EPHA5: variants seen among roughly 807,000 people sequenced by gnomAD.
The protein encoded by EPHA5 is ephrin type-A receptor 5.
In EPHA5, 60 loss-of-function variants were observed where a neutral mutation model predicts 105.0. That is an observed-to-expected ratio of 0.57 (90% CI 0.46 to 0.71). The LOEUF (loss-of-function observed/expected upper bound fraction) is 0.71. EPHA5 is among the 30% of genes least tolerant of loss of function. The pLI, the probability that EPHA5 is intolerant of heterozygous loss-of-function variation, is 0.00. For missense variants in EPHA5, 1,218 were observed against 1,274.7 expected (o/e 0.96, Z 0.68); for synonymous variants, 513 against 449.1 (o/e 1.14, Z -1.80).
At chr4:65,465,590 A>G (rs143777120) in intron 5 of EPHA5, among the ~76,000 whole-genome samples, 6 of 106,676 alleles carry the variant, frequency 5.6e-5, no homozygotes, top group Non-Finnish European at 8.4e-5. Flanking sequence ...AGGAAAGGAA[A>G]GAAAGGAAGG....
At chr4:65,517,179 T>C (rs1734189984) in intron 3 of EPHA5, among the ~76,000 whole-genome samples, 2 of 151,992 alleles carry the variant, frequency 1.3e-5, no homozygotes, top group Non-Finnish European at 2.9e-5. Context: ...CTAATGACTT[T>C]CTGAGGAGTT....
chr4:65,382,840 A>G (rs1179188202), intron 8 of EPHA5, among the ~76,000 whole-genome samples: 1 of 151,690 alleles, frequency 6.6e-6, no homozygotes, highest in Non-Finnish European at 1.5e-5. Flanking sequence ...ATAAACACGT[A>G]TTGTATTGAA....
At chr4:65,635,861 G>T (rs937381178) in intron 2 of EPHA5, among the ~76,000 whole-genome samples, 2 of 152,098 alleles carry the variant, frequency 1.3e-5, no homozygotes, top group Non-Finnish European at 2.9e-5. Context: ...GTACATATAG[G>T]CTAGTGAAGC....
Position 65,322,112 on chromosome 4 carries a change from C to T in EPHA5, c.*2002G>A, listed in dbSNP as rs1449915078. 3 of 224,100 alleles carry T rather than the reference C, an allele frequency of 1.3e-5. No homozygotes were observed. The Admixed American group carries it at 1.7e-4, about 13-fold the overall frequency. 13.9% of individuals were successfully genotyped at this position (224,100 alleles called of 1,614,324 possible). A position where few individuals can be genotyped will look rare whatever the true frequency, so the allele number is the denominator to read the frequency against. ...TCACATCTCTGGAAATTTTACTAAACTAATAGATTATATGTTTGCAGCACA... is the reference window on the plus strand; with the variant it reads ...TCACATCTCTGGAAATTTTACTAAATTAATAGATTATATGTTTGCAGCACA... On this transcript the variant is annotated 3_prime_UTR_variant, in exon 17 of 17. Transcript: ENST00000613740.
chr4:65,550,656 G>A (rs574957528), intron 3 of EPHA5, among the ~76,000 whole-genome samples: 1 of 152,166 alleles, frequency 6.6e-6, no homozygotes, highest in East Asian at 1.9e-4. Flanking sequence ...TAACACGGGT[G>A]AAACCCCGTC....
chr4:65,510,775 T>C (rs35682048), intron 3 of EPHA5, among the ~76,000 whole-genome samples: 7,143 of 152,262 alleles, frequency 0.047, 278 homozygotes, highest in African/African-American at 0.1. Context: ...TGAAAATAAC[T>C]GTTGAGGCAC....
At chr4:65,402,538 T>C (rs2148985360) in intron 8 of EPHA5, among the ~76,000 whole-genome samples, 1 of 152,310 alleles carries the variant, frequency 6.6e-6, no homozygotes, top group Middle Eastern at 3.4e-3. Flanking sequence ...TATTCCTTAA[T>C]AAATTTTCAA....
At chr4:65,335,623 A>G (rs1487691176) in intron 15 of EPHA5, among the ~76,000 whole-genome samples, 4 of 150,278 alleles carry the variant, frequency 2.7e-5, no homozygotes, top group African/African-American at 9.7e-5. Context: ...CTCCTCACCT[A>G]TCCTCCAAAA....
chr4:65,491,645 C>G (rs535906670), intron 4 of EPHA5, among the ~76,000 whole-genome samples: 2 of 151,954 alleles, frequency 1.3e-5, no homozygotes, highest in South Asian at 4.2e-4. Context: ...TTAATGGAAA[C>G]TGGGTGTAGC....
At chr4:65,569,105 T>C (rs894469268) in intron 3 of EPHA5, among the ~76,000 whole-genome samples, 1 of 151,492 alleles carries the variant, frequency 6.6e-6, no homozygotes, top group East Asian at 1.9e-4. Flanking sequence ...TTCAAGTATC[T>C]ATTTTGAAGA....
chr4:65,635,787 C>T lies in EPHA5; in HGVS notation c.246+7576G>A, dbSNP rs186471601. 3.6e-4 allele frequency among the ~76,000 whole-genome samples: 55 copies of T among 152,166 alleles called. No homozygotes were observed. In the East Asian group the frequency reaches 7.3e-3, roughly 20 times the overall value. On this transcript the variant is annotated intron_variant, in intron 2 of 16. Transcript: ENST00000613740. ...ATTAATCAATACAAAATGTTCCAGA[C>T]GCTGACTGAAACAACTCTAATGTAA... is the stretch of plus-strand genomic sequence containing the variant.
At chr4:65,432,318 A>T (rs906631487) in intron 5 of EPHA5, among the ~76,000 whole-genome samples, 2 of 152,156 alleles carry the variant, frequency 1.3e-5, no homozygotes, top group Non-Finnish European at 2.9e-5. Context: ...AATGTTTGCA[A>T]ATGTAGAAAC....
intron 3 of EPHA5, among the ~76,000 whole-genome samples, chr4:65,555,591 A>ACACATTTTTG (rs1560691197): frequency 1.3e-5 from 2 of 150,728 alleles, no homozygotes; most frequent in African/African-American, 2.5e-5. Context: ...TTTTCTCCAA[A>ACACATTTTTG]GTTACTAGTT....
chr4:65,518,868 C>A (rs990847487), intron 3 of EPHA5, among the ~76,000 whole-genome samples: 1 of 152,108 alleles, frequency 6.6e-6, no homozygotes, highest in African/African-American at 2.4e-5. Flanking sequence ...AGATTCACAG[C>A]AGAATTCTAC....
At chr4:65,650,476 C>G (rs369462518) in intron 1 of EPHA5, among the ~76,000 whole-genome samples, 3 of 148,532 alleles carry the variant, frequency 2.0e-5, no homozygotes, top group Admixed American at 6.8e-5. Flanking sequence ...AGGAGAATGG[C>G]GTGAACTTAG....
chr4:65,500,457 C>T (rs891961688), intron 3 of EPHA5, among the ~76,000 whole-genome samples: 4 of 150,650 alleles, frequency 2.7e-5, no homozygotes, highest in Non-Finnish European at 4.5e-5. Flanking sequence ...CCCACTTATC[C>T]TTTAAACCTT....
At chr4:65,514,423 G>A (rs1350243732) in intron 3 of EPHA5, among the ~76,000 whole-genome samples, 1 of 152,122 alleles carries the variant, frequency 6.6e-6, no homozygotes, top group African/African-American at 2.4e-5. Context: ...TACTCAAGAG[G>A]CCACATGAAG....
chr4:65,596,487 A>G (rs891260755), intron 3 of EPHA5, among the ~76,000 whole-genome samples: 1 of 152,144 alleles, frequency 6.6e-6, no homozygotes, highest in African/African-American at 2.4e-5. Context: ...AAACCAAAAA[A>G]ACAAACAAAC....
chr4:65,524,078 C>T (rs546805429), intron 3 of EPHA5, among the ~76,000 whole-genome samples: 1 of 150,816 alleles, frequency 6.6e-6, no homozygotes, highest in South Asian at 2.1e-4. Flanking sequence ...ATTGCTTCAC[C>T]ATATACTTCA....
Sources: gnomAD v4.1 joint callset for allele counts (sites outside exome capture counted in the v4.1 genomes callset) on GRCh38, gnomAD v4.1.1 for gene constraint, MANE v1.5 for transcripts, NCBI Gene and HGNC (gene_info 2026-07-23, HGNC 2026-07-21) for gene names.